NHS: variants seen among roughly 807,000 people sequenced by gnomAD.
The protein encoded by NHS is NHS actin remodeling regulator, also known as actin remodeling regulator NHS.
A neutral mutation model predicts 72.5 loss-of-function variants in NHS; 5 were observed. The ratio of observed to expected loss-of-function variants is 0.07; its 90% CI spans 0.04 to 0.14. NHS has a LOEUF of 0.14. Among genes scored for constraint, NHS ranks in the 10% least tolerant of loss-of-function variants. The pLI is 1.00. For synonymous variants in NHS, 464 were observed against 547.7 expected, an observed-to-expected ratio of 0.85 and a Z score of 2.13; for missense variants, 1,072 against 1,355.7, an observed-to-expected ratio of 0.79 and a Z score of 3.29.
At chrX:17,396,935 T>G (rs377451998) in intron 1 of NHS, among the ~76,000 whole-genome samples, 3 of 112,399 alleles carry the variant, frequency 2.7e-5, no homozygotes, top group African/African-American at 9.7e-5. Flanking sequence ...ATTGCATTTT[T>G]TTTCATACTC....
chrX:17,554,570 G>T (rs2146962175), intron 1 of NHS, among the ~76,000 whole-genome samples: 1 of 112,650 alleles, frequency 8.9e-6, no homozygotes, highest in African/African-American at 3.2e-5. Context: ...GGGCCAGCCA[G>T]GTTTAAGTCA....
intron 1 of NHS, among the ~76,000 whole-genome samples, chrX:17,407,668 G>A (rs1264286699): frequency 8.9e-6 from 1 of 112,087 alleles, no homozygotes; most frequent in Admixed American, 9.4e-5. Context: ...ATACTGTGTA[G>A]TGATCACTTA....
intron 3 of NHS, among the ~76,000 whole-genome samples, chrX:17,697,328 C>A (rs1176564139): frequency 9.0e-6 from 1 of 111,659 alleles, no homozygotes; most frequent in African/African-American, 3.3e-5. Context: ...AATATTTGAA[C>A]TTCAACAAAC....
intron 1 of NHS, among the ~76,000 whole-genome samples, chrX:17,572,613 G>A (rs1168378993): frequency 9.3e-6 from 1 of 106,977 alleles, no homozygotes; most frequent in Non-Finnish European, 1.9e-5. Context: ...CACACTGATG[G>A]GTCTTGGCTC....
rs765423925 is a variant in NHS at position 17,516,571 on chromosome X, GCACACA to G, written c.565+140279_565+140284del. On this transcript the variant is annotated intron_variant, in intron 1 of 8. Transcript: ENST00000676302. ...TTTAACTTACAACACACACACACGC[GCACACA>G]CACACACACACACACACACACACAC... Among the ~76,000 whole-genome samples the G allele has an allele frequency of 2.9e-3, 265 of 91,745 alleles. 1 individual carries two copies. Among genetic ancestry groups the G allele is most frequent in the Admixed American group, 3.5e-3 (29 of 8,386 alleles). The allele number at this position is 91,745 out of a possible 115,157, so 79.7% of individuals were successfully genotyped here.
At chrX:17,397,361 A>G (rs2064481634) in intron 1 of NHS, among the ~76,000 whole-genome samples, 1 of 111,898 alleles carries the variant, frequency 8.9e-6, no homozygotes, top group Non-Finnish European at 1.9e-5. Context: ...TGATCTTCTG[A>G]GTTTGAAGGT....
chrX:17,664,089 G>A (rs1347767478), intron 1 of NHS, among the ~76,000 whole-genome samples: 6 of 111,513 alleles, frequency 5.4e-5, no homozygotes, highest in Non-Finnish European at 1.1e-4. Flanking sequence ...CATATACACT[G>A]AGTAAAAGTT....
chrX:17,487,881 G>A (rs2064973676), intron 1 of NHS, among the ~76,000 whole-genome samples: 1 of 111,779 alleles, frequency 8.9e-6, no homozygotes, highest in Admixed American at 9.5e-5. Flanking sequence ...AGTGCAGATT[G>A]ACAGCTCTGA....
chrX:17,458,997 G>A (rs2064836590), intron 1 of NHS, among the ~76,000 whole-genome samples: 1 of 112,505 alleles, frequency 8.9e-6, no homozygotes, highest in African/African-American at 3.2e-5. Flanking sequence ...CTGGGGGTGG[G>A]ACCCAGGAAT....
chrX:17,513,953 G>A (rs1010332110), intron 1 of NHS, among the ~76,000 whole-genome samples: 7 of 112,077 alleles, frequency 6.2e-5, no homozygotes, highest in Admixed American at 4.7e-4. Context: ...CCACGTGGCT[G>A]GGGAGGCCTC....
chrX:17,623,877 C>G (rs1279572536), intron 1 of NHS, among the ~76,000 whole-genome samples: 4 of 112,359 alleles, frequency 3.6e-5, no homozygotes, highest in African/African-American at 1.3e-4. Context: ...CTTCCTTGCC[C>G]TCTGTAGCCA....
At chrX:17,403,329 G>T (rs750106304) in intron 1 of NHS, among the ~76,000 whole-genome samples, 1 of 112,351 alleles carries the variant, frequency 8.9e-6, no homozygotes, top group South Asian at 3.7e-4. Context: ...AAGATAAACA[G>T]GTTTGCTGAA....
chrX:17,446,203 T>A (rs1415782576), intron 1 of NHS, among the ~76,000 whole-genome samples: 1 of 110,362 alleles, frequency 9.1e-6, no homozygotes, highest in Non-Finnish European at 1.9e-5. Flanking sequence ...CTGAGAAACA[T>A]CGCCCATTAT....
intron 1 of NHS, among the ~76,000 whole-genome samples, chrX:17,574,834 C>T (rs1170366981): frequency 9.0e-6 from 1 of 111,610 alleles, no homozygotes; most frequent in African/African-American, 3.3e-5. Context: ...CATCTTGGAA[C>T]CAACCTCCCT....
intron 1 of NHS, among the ~76,000 whole-genome samples, chrX:17,636,496 G>A (rs756708855): frequency 8.9e-6 from 1 of 112,376 alleles, no homozygotes; most frequent in African/African-American, 3.2e-5. Flanking sequence ...GCGCTATTAG[G>A]TTGTTCTGCA....
At chrX:17,623,372 A>G (rs903620431) in intron 1 of NHS, among the ~76,000 whole-genome samples, 4 of 112,120 alleles carry the variant, frequency 3.6e-5, no homozygotes, top group African/African-American at 1.3e-4. Context: ...ACACACGGCC[A>G]GGAAGACTAA....
At chrX:17,444,948 G>C (rs893402083) in intron 1 of NHS, among the ~76,000 whole-genome samples, 2 of 109,978 alleles carry the variant, frequency 1.8e-5, no homozygotes, top group African/African-American at 6.6e-5. Flanking sequence ...ATTTACTTAT[G>C]ATGGCTTTTA....
rs901253155 is a variant in NHS, at chrX:17,596,254, T to A, written c.566-91488T>A. ...ATGATGAATGGCTTGTTCTTAGTAATGTGCTTGTAATTGTTCTTCCTTAGA... is the reference window on the plus strand; with the variant it reads ...ATGATGAATGGCTTGTTCTTAGTAAAGTGCTTGTAATTGTTCTTCCTTAGA... On this transcript the variant is annotated intron_variant, in intron 1 of 8. Coordinates refer to ENST00000676302, the MANE Select transcript of NHS (RefSeq NM_001291867.2). Among the ~76,000 whole-genome samples the A allele has an allele frequency of 8.9e-5, 10 of 112,105 alleles. No individual in the cohort carries two copies. In the Admixed American group the frequency reaches 9.5e-4, roughly 11 times the overall value.
At chrX:17,655,181 G>C (rs761740349) in intron 1 of NHS, among the ~76,000 whole-genome samples, 49 of 112,063 alleles carry the variant, frequency 4.4e-4, no homozygotes, top group Admixed American at 4.7e-4. Context: ...TGCCCGGGCT[G>C]GAGGGGTTGG....
Sources: allele counts gnomAD v4.1 joint callset (sites outside exome capture counted in the v4.1 genomes callset), GRCh38; gene constraint gnomAD v4.1.1; transcripts MANE v1.5; gene names NCBI Gene and HGNC (gene_info 2026-07-23, HGNC 2026-07-21).